ARHGAP23: variants seen among roughly 807,000 people sequenced by gnomAD.
ARHGAP23 encodes the protein rho GTPase-activating protein 23.
In ARHGAP23, 34 loss-of-function variants were observed where a neutral mutation model predicts 136.3. That is an observed-to-expected ratio of 0.25 (90% CI 0.19 to 0.33). ARHGAP23 has a LOEUF of 0.33. ARHGAP23 is among the 10% of genes least tolerant of loss of function. ARHGAP23 has a pLI of 1.00. For missense variants in ARHGAP23, 1,808 were observed against 2,139.0 expected (o/e 0.85, Z 3.05); for synonymous variants, 832 against 920.5 (o/e 0.90, Z 1.74).
In ARHGAP23 at chr17:38,486,662, A is replaced by G. The variant is rs142039695; in HGVS notation, c.2986+522A>G. Among the ~76,000 whole-genome samples, 883 of 152,182 alleles carry G rather than the reference A, an allele frequency of 5.8e-3. 10 individuals are homozygous for G. Among genetic ancestry groups the G allele is most frequent in the African/African-American group, 0.02 (845 of 41,512 alleles). ...TCCCTTTCACGGGAGGTTGTGGCTA[A>G]CACTTTCTGAGCATTAGAGTGTGCC... On this transcript the variant is annotated intron_variant, in intron 17 of 23. Transcript: ENST00000622683.
chr17:38,447,167 C>T (rs2039051711), intron 1 of ARHGAP23, among the ~76,000 whole-genome samples: 1 of 152,112 alleles, frequency 6.6e-6, no homozygotes, highest in African/African-American at 2.4e-5. Context: ...TTGAGCTGGG[C>T]ATGGTGGCTC....
At chr17:38,464,130 C>T (rs2039526471) in intron 6 of ARHGAP23, among the ~76,000 whole-genome samples, 1 of 152,174 alleles carries the variant, frequency 6.6e-6, no homozygotes, top group African/African-American at 2.4e-5. Flanking sequence ...CCGCGGCATC[C>T]TCCTGCCCAT....
chr17:38,483,909 A>T (rs2040103932), intron 16 of ARHGAP23, among the ~76,000 whole-genome samples: 1 of 152,178 alleles, frequency 6.6e-6, no homozygotes, highest in Non-Finnish European at 1.5e-5. Context: ...GGGTTAGGAC[A>T]GAGAGTGGAT....
At position 38,478,398 on chromosome 17, in the gene ARHGAP23, C is replaced by T. The variant is rs536034290; in HGVS notation, c.2436+502C>T. 3.3e-3 allele frequency among the ~76,000 whole-genome samples: 485 copies of T among 147,504 alleles called. 1 individual carries two copies. Among genetic ancestry groups the T allele is most frequent in the African/African-American group, 0.011 (445 of 39,470 alleles). ...TGGGCAGGGGTGGAGCCAAGGGCCT[C>T]GGCAGGGATTTTGGGATAATTTTTT... On this transcript the variant is annotated intron_variant, in intron 12 of 23. Transcript: ENST00000622683.
chr17:38,462,980 T>G (rs1483871843), intron 4 of ARHGAP23, 39 bp downstream of exon 4: 1 of 1,543,638 alleles, frequency 6.5e-7, no homozygotes, highest in Non-Finnish European at 8.8e-7. Context: ...CTTTCTACCT[T>G]CTGGCTAGGA....
At chr17:38,485,504 A>G (rs770272727) in intron 16 of ARHGAP23, among the ~76,000 whole-genome samples, 13 of 152,170 alleles carry the variant, frequency 8.5e-5, no homozygotes, top group Non-Finnish European at 1.8e-4. Context: ...ATAATGACAA[A>G]TTGGGTTAAG....
At chr17:38,493,968 G>C (rs541451546) in intron 20 of ARHGAP23, among the ~76,000 whole-genome samples, 2 of 152,332 alleles carry the variant, frequency 1.3e-5, no homozygotes, top group East Asian at 1.9e-4. Flanking sequence ...ATGTTTCTCA[G>C]CCTCAGCACT....
In ARHGAP23 at chr17:38,482,732, T is replaced by C. The variant is rs970956661; in HGVS notation, c.2907+54T>C. The C allele has an allele frequency of 2.8e-4, 413 of 1,489,636 alleles. 5 individuals are homozygous for C. The South Asian group carries it at 3.7e-3, about 13-fold the overall frequency. The allele number at this position is 1,489,636 out of a possible 1,614,324, so 92.3% of individuals were successfully genotyped here. ...AGGGGCTGAGATGGTGTGTGGGTGG[T>C]GCTCCGCTTGGAGAGTTCTGTGGTC... On this transcript the variant is annotated intron_variant, in intron 16 of 23. Coordinates refer to ENST00000622683, the MANE Select transcript of ARHGAP23 (RefSeq NM_001199417.2).
chr17:38,425,715 G>A (rs894122313), upstream of ARHGAP23, among the ~76,000 whole-genome samples: 2 of 152,150 alleles, frequency 1.3e-5, no homozygotes, highest in African/African-American at 4.8e-5. Flanking sequence ...GTGCTGGGGC[G>A]GATGGCAGGA....
In ARHGAP23 at chr17:38,510,996, G is replaced by C; in HGVS notation, c.*24G>C. The C allele has an allele frequency of 1.4e-6, 2 of 1,404,540 alleles. No individual in the cohort carries two copies. Among genetic ancestry groups the C allele is most frequent in the East Asian group, 3.0e-5 (1 of 33,202 alleles). The allele number at this position is 1,404,540 out of a possible 1,614,324, so 87.0% of individuals were successfully genotyped here. ...GATCCCCACCTCCCGCGCCGCTCGGGCGCCACCCCTCCCTAGAGCCCCTTT... is the reference window on the plus strand; with the variant it reads ...GATCCCCACCTCCCGCGCCGCTCGGCCGCCACCCCTCCCTAGAGCCCCTTT... On this transcript the variant is annotated 3_prime_UTR_variant, in exon 24 of 24. Coordinates refer to ENST00000622683, the MANE Select transcript of ARHGAP23 (RefSeq NM_001199417.2). This position sits in a 1 kb window ranked among gnomAD's most constrained non-coding sequence, Gnocchi z 4.6.
chr17:38,447,376 A>C (rs2039056823), intron 1 of ARHGAP23, among the ~76,000 whole-genome samples: 1 of 124,722 alleles, frequency 8.0e-6, no homozygotes, highest in East Asian at 2.8e-4. Context: ...CAGGAGGTGG[A>C]GGTTGCAGTG....
rs926768294 is a variant in ARHGAP23, at chr17:38,494,989, C to T, written c.3277-2796C>T. On this transcript the variant is annotated intron_variant, in intron 20 of 23. Transcript: ENST00000622683. ...CGATCCTCAGGCTTCCCCTGGTCAGCCTGTCTCTGGAAGCCACACTTTTGA... is the reference window on the plus strand; with the variant it reads ...CGATCCTCAGGCTTCCCCTGGTCAGTCTGTCTCTGGAAGCCACACTTTTGA... Among the ~76,000 whole-genome samples, 9 of 152,122 alleles carry T rather than the reference C, an allele frequency of 5.9e-5. No homozygotes were observed. The South Asian group carries it at 1.2e-3, about 21-fold the overall frequency.
intron 22 of ARHGAP23, among the ~76,000 whole-genome samples, 185 bp downstream of exon 22, chr17:38,498,695 T>C (rs937262007): frequency 1.3e-5 from 2 of 152,176 alleles, no homozygotes; most frequent in African/African-American, 4.8e-5. Context: ...GCTTGCCCCG[T>C]GCCCACCTCC....
At chr17:38,429,068 G>T (rs1399558544) in intron 1 of ARHGAP23, among the ~76,000 whole-genome samples, 2 of 152,204 alleles carry the variant, frequency 1.3e-5, no homozygotes, top group African/African-American at 2.4e-5. Flanking sequence ...GGGTCGGACT[G>T]CGGGACGGGT....
At chr17:38,452,165 TC>T (rs2039188235) in intron 1 of ARHGAP23, among the ~76,000 whole-genome samples, 1 of 139,312 alleles carries the variant, frequency 7.2e-6, no homozygotes, top group Admixed American at 7.1e-5. Context: ...CCCCCTCCCC[TC>T]CCACCTCCGT....
chr17:38,473,151 A>G (rs987763809), intron 11 of ARHGAP23, among the ~76,000 whole-genome samples: 4 of 138,846 alleles, frequency 2.9e-5, no homozygotes, highest in African/African-American at 1.1e-4. Flanking sequence ...ACGGAGTTTC[A>G]CCATGTTGGT....
chr17:38,421,195 C>T (rs2038517263), intron 1 of ARHGAP23, among the ~76,000 whole-genome samples: 1 of 152,246 alleles, frequency 6.6e-6, no homozygotes, highest in South Asian at 2.1e-4. Context: ...GCCCTTGGCT[C>T]CATTACAGAA....
intron 20 of ARHGAP23, among the ~76,000 whole-genome samples, chr17:38,493,504 T>C (rs2040324492): frequency 6.6e-6 from 1 of 152,224 alleles, no homozygotes. Context: ...GCTGGGCTTT[T>C]CTACTCAGAG....
intron 1 of ARHGAP23, among the ~76,000 whole-genome samples, chr17:38,445,303 T>TAA (rs61636599): frequency 2.7e-5 from 3 of 111,566 alleles, no homozygotes; most frequent in South Asian, 3.4e-4. Flanking sequence ...TGTCTCTACT[T>TAA]AAAAAAAAAA....
Sources: allele counts gnomAD v4.1 joint callset (sites outside exome capture counted in the v4.1 genomes callset), GRCh38; gene constraint gnomAD v4.1.1; non-coding constraint Gnocchi (gnomAD v3.1); transcripts MANE v1.5; gene names NCBI Gene and HGNC (gene_info 2026-07-23, HGNC 2026-07-21).